AKAP9: variants seen among roughly 807,000 people sequenced by gnomAD.
AKAP9 encodes A-kinase anchoring protein 9, also known as A-kinase anchor protein 9.
In AKAP9, 311 loss-of-function variants were observed where a neutral mutation model predicts 488.5. The observed-to-expected ratio is 0.64, with a 90% CI of 0.58 to 0.70. The LOEUF (loss-of-function observed/expected upper bound fraction) is 0.70, where lower values mean the gene tolerates loss of function less well. Among genes scored for constraint, AKAP9 ranks in the 30% least tolerant of loss-of-function variants. The pLI, the probability that AKAP9 is intolerant of heterozygous loss-of-function variation, is 0.00. For missense variants in AKAP9, 4,215 were observed against 4,374.5 expected (o/e 0.96, Z 1.03); for synonymous variants, 1,462 against 1,483.5 (o/e 0.99, Z 0.33).
At chr7:92,009,222 G>A (rs1800357626) in intron 8 of AKAP9, among the ~76,000 whole-genome samples, 1 of 151,956 alleles carries the variant, frequency 6.6e-6, no homozygotes, top group African/African-American at 2.4e-5. Context: ...CTTCAGCCTG[G>A]GTGACAGAGT....
intron 3 of AKAP9, among the ~76,000 whole-genome samples, chr7:91,985,740 C>T (rs1056612748): frequency 3.3e-5 from 5 of 152,028 alleles, no homozygotes; most frequent in African/African-American, 9.7e-5. Context: ...CCTCGCCTGC[C>T]GGGTTCACAC....
intron 18 of AKAP9, 200 bp from the exon 19 acceptor site, chr7:92,041,846 A>G (rs953841901): frequency 5.7e-6 from 3 of 526,754 alleles, no homozygotes; most frequent in South Asian, 2.7e-5. Context: ...TCCTGAATAT[A>G]TAGACTTAAT....
intron 3 of AKAP9, among the ~76,000 whole-genome samples, chr7:91,986,295 G>A (rs1030933996): frequency 6.6e-6 from 1 of 152,198 alleles, no homozygotes; most frequent in African/African-American, 2.4e-5. Flanking sequence ...TCCAGGTACA[G>A]TCTGTCACAG....
At chr7:92,067,723 T>G (rs117623127) in intron 26 of AKAP9, among the ~76,000 whole-genome samples, 1 of 152,328 alleles carries the variant, frequency 6.6e-6, no homozygotes, top group East Asian at 1.9e-4. Context: ...TAAAGATGGC[T>G]TGTCATGGTG....
intron 44 of AKAP9, 34 bp from the exon 45 acceptor site, chr7:92,100,822 A>C: frequency 2.5e-6 from 4 of 1,611,606 alleles, no homozygotes; most frequent in South Asian, 1.1e-5. Context: ...ACTTTTCTTC[A>C]GAGACTTGTG....
chr7:92,076,612 C>T (rs1381867356), intron 28 of AKAP9, among the ~76,000 whole-genome samples: 2 of 152,160 alleles, frequency 1.3e-5, no homozygotes, highest in Non-Finnish European at 2.9e-5. Context: ...CTCCTTTTAT[C>T]CTTCCTCAGG....
intron 8 of AKAP9, among the ~76,000 whole-genome samples, chr7:92,008,069 A>C (rs1387926942): frequency 6.6e-6 from 1 of 152,226 alleles, no homozygotes; most frequent in Non-Finnish European, 1.5e-5. Context: ...TTGAAAGTTT[A>C]TTATTTGAAA....
rs1445111065 is a variant in AKAP9, at chr7:92,001,113, G to T, written c.1196G>T (p.Gly399Val). 1.2e-6 allele frequency: 2 copies of T among 1,613,838 alleles called. No homozygotes were observed. Among genetic ancestry groups the T allele is most frequent in the South Asian group, 2.2e-5 (2 of 91,052 alleles). The stretch of plus-strand genomic sequence containing the variant: ...TCTGAAGAAATAAAACAGTTAATGG[G>T]GACAGTCGAAGAACTTCAGAAGAGA... ...QSSEEIKQLMGTVEELQKRNH... is the reference protein window; with the variant it reads ...QSSEEIKQLMVTVEELQKRNH... The change falls in exon 8 of 50, where the codon GGG becomes GTG. Residue 399 changes from glycine to valine, a missense_variant. This residue lies in a region of AKAP9 where 2,361 missense variants were observed against 2,430.0 expected (regional missense o/e 0.97). Coordinates refer to ENST00000356239, the MANE Select transcript of AKAP9 (RefSeq NM_005751.5).
chr7:91,990,233 C>T (rs1797589980), intron 3 of AKAP9, among the ~76,000 whole-genome samples: 1 of 152,034 alleles, frequency 6.6e-6, no homozygotes, highest in Admixed American at 6.5e-5. Context: ...CATTTATTTA[C>T]TTTCATATGA....
chr7:92,009,069 A>G (rs1800334370), intron 8 of AKAP9, among the ~76,000 whole-genome samples: 1 of 152,026 alleles, frequency 6.6e-6, no homozygotes, highest in Non-Finnish European at 1.5e-5. Context: ...CTATAATCCC[A>G]GTGCTTCGGA....
intron 20 of AKAP9, among the ~76,000 whole-genome samples, chr7:92,044,011 A>G (rs1584291357): frequency 1.3e-5 from 2 of 152,220 alleles, no homozygotes; most frequent in African/African-American, 4.8e-5. Flanking sequence ...AGTCTTCTGA[A>G]TCACCATTTA....
chr7:92,085,088 C>A, intron 35 of AKAP9, 148 bp downstream of exon 35: 1 of 880,932 alleles, frequency 1.1e-6, no homozygotes, highest in East Asian at 2.8e-5. Context: ...TTTATTTCCA[C>A]ATTTCACAGA....
rs181593695 is a variant in AKAP9 at position 92,052,975 on chromosome 7, G to T, written c.5601+17G>T. On this transcript the variant is annotated intron_variant, in intron 22 of 49. Transcript: ENST00000356239. ...AGCAGTCAGGTAACCTCCTTATATT[G>T]CTAATATGTACTGAGTTTGAAGTAC... 75 of 1,577,212 alleles carry T rather than the reference G, an allele frequency of 4.8e-5. No individual in the cohort carries two copies. The African/African-American group carries it at 8.8e-4, about 18-fold the overall frequency.
In AKAP9 at chr7:92,038,590, G is replaced by C. The variant is rs1354847093; in HGVS notation, c.4510G>C (p.Glu1504Gln). 3 of 1,613,848 alleles carry C rather than the reference G, an allele frequency of 1.9e-6. No individual in the cohort carries two copies. The highest frequency in any genetic ancestry group is 3.3e-5 in the Admixed American group (2 of 59,998). Residue 1504 changes from glutamate (E) to glutamine (Q), a missense_variant, in exon 17 of 50, where the codon GAG (glutamate) becomes CAG (glutamine). By Grantham distance (29) the Glu-to-Gln change is conservative. This residue lies in a region of AKAP9 where 2,361 missense variants were observed against 2,430.0 expected (regional missense o/e 0.97). Coordinates refer to ENST00000356239, the MANE Select transcript of AKAP9 (RefSeq NM_005751.5). ...GGATCAAATTGGTTTTCAGACTTTT[G>C]AGACAGTGGATGTGAAATTTAAAGA... ...SQDQIGFQTF[E>Q]TVDVKFKEEF...
At position 91,992,218 on chromosome 7, in the gene AKAP9, T is replaced by G. The variant is rs1224391502; in HGVS notation, c.405+7T>G. ...GCCTACAAATTTATTAAGGGTACAGTATTTAAAACTACTTGTGATACTAAT... is the reference window on the plus strand; with the variant it reads ...GCCTACAAATTTATTAAGGGTACAGGATTTAAAACTACTTGTGATACTAAT... On this transcript the variant is annotated splice_region_variant and intron_variant, in intron 4 of 49. Transcript: ENST00000356239. 1 of 1,590,644 alleles carries G rather than the reference T, an allele frequency of 6.3e-7. No individual in the cohort carries two copies. The highest frequency in any genetic ancestry group is 8.6e-7 in the Non-Finnish European group (1 of 1,158,786).
At chr7:92,032,268 G>A (rs879409232) in intron 16 of AKAP9, among the ~76,000 whole-genome samples, 7 of 152,206 alleles carry the variant, frequency 4.6e-5, no homozygotes, top group African/African-American at 1.2e-4. Flanking sequence ...AGGCCGAGGC[G>A]GGCAGGTCAC....
chr7:91,994,175 T>C (rs1313023618), intron 5 of AKAP9, among the ~76,000 whole-genome samples: 2 of 152,104 alleles, frequency 1.3e-5, no homozygotes, highest in African/African-American at 2.4e-5. Flanking sequence ...GTAAGTAACC[T>C]CTTGTGGTTA....
intron 14 of AKAP9, among the ~76,000 whole-genome samples, chr7:92,023,693 A>C (rs1786219303): frequency 6.6e-6 from 1 of 152,210 alleles, no homozygotes; most frequent in African/African-American, 2.4e-5. Flanking sequence ...TTTAAAATTT[A>C]AAATAGATTG....
intron 14 of AKAP9, among the ~76,000 whole-genome samples, chr7:92,026,415 A>T (rs887077423): frequency 6.6e-6 from 1 of 150,992 alleles, no homozygotes; most frequent in African/African-American, 2.4e-5. Flanking sequence ...GCTCGCTGCA[A>T]CCTCCCTGCC....
Sources: allele counts gnomAD v4.1 joint callset (sites outside exome capture counted in the v4.1 genomes callset), GRCh38; gene constraint gnomAD v4.1.1; regional missense constraint gnomAD v4.1.1; transcripts MANE v1.5; gene names NCBI Gene and HGNC (gene_info 2026-07-23, HGNC 2026-07-21).